The following SUGCT variants were observed in gnomAD, a reference collection of about 807,000 sequenced individuals.
SUGCT encodes succinyl-CoA:glutarate-CoA transferase, also known as succinyl-CoA:glutarate CoA-transferase.
SUGCT carries 41 observed loss-of-function variants against 55.0 expected under a neutral mutation model. The observed-to-expected ratio is 0.74, with a 90% CI of 0.58 to 0.97. The LOEUF (loss-of-function observed/expected upper bound fraction) is 0.97, where lower values mean the gene tolerates loss of function less well. SUGCT is among the 50% of genes least tolerant of loss of function. The pLI is 0.00. For synonymous variants in SUGCT, 187 were observed against 200.4 expected, an observed-to-expected ratio of 0.93 and a Z score of 0.56; for missense variants, 568 against 547.8, an observed-to-expected ratio of 1.04 and a Z score of -0.37.
the SUGCT span, among the ~76,000 whole-genome samples, chr7:41,036,710 A>G: frequency 7.8e-4 from 119 of 152,270 alleles, no homozygotes; most frequent in African/African-American, 2.6e-3. Context: ...TGCTTTTCTT[A>G]CCAAATCCCC....
At chr7:40,506,009 T>G (rs1792569298) in intron 12 of SUGCT, among the ~76,000 whole-genome samples, 1 of 152,256 alleles carries the variant, frequency 6.6e-6, no homozygotes, top group Middle Eastern at 3.4e-3. Flanking sequence ...TTGAAATTGC[T>G]TTTTAAATCA....
At chr7:40,424,110 G>T (rs1376008764) in intron 9 of SUGCT, among the ~76,000 whole-genome samples, 2 of 152,122 alleles carry the variant, frequency 1.3e-5, no homozygotes, top group Non-Finnish European at 2.9e-5. Context: ...CTCTGCCGTG[G>T]TTGGATAGTT....
intron 11 of SUGCT, among the ~76,000 whole-genome samples, chr7:40,489,458 A>C (rs1791563693): frequency 6.6e-6 from 1 of 152,074 alleles, no homozygotes; most frequent in African/African-American, 2.4e-5. Context: ...AGGCAGGAGG[A>C]TCACCTGAGG....
At chr7:40,852,743 G>A (rs900779862) in intron 13 of SUGCT, among the ~76,000 whole-genome samples, 9 of 151,716 alleles carry the variant, frequency 5.9e-5, no homozygotes, top group Middle Eastern at 3.4e-3. Context: ...TCCTCTGCAC[G>A]TCCCATTTAG....
the SUGCT span, among the ~76,000 whole-genome samples, chr7:40,889,858 C>T: frequency 1.3e-5 from 2 of 152,258 alleles, no homozygotes; most frequent in Admixed American, 1.3e-4. Flanking sequence ...GTCTCATGCA[C>T]TATATAAAAT....
At chr7:40,628,202 C>A (rs1206844412) in intron 12 of SUGCT, among the ~76,000 whole-genome samples, 1 of 152,192 alleles carries the variant, frequency 6.6e-6, no homozygotes, top group Non-Finnish European at 1.5e-5. Flanking sequence ...ATTTTAATAA[C>A]CTAAACTTTC....
chr7:40,831,572 C>T (rs1439255442), intron 13 of SUGCT, among the ~76,000 whole-genome samples: 1 of 152,226 alleles, frequency 6.6e-6, no homozygotes, highest in African/African-American at 2.4e-5. Flanking sequence ...GTCTTGCAGT[C>T]ATCCTTGAAG....
At chr7:40,411,808 A>C (rs1786711572) in intron 9 of SUGCT, among the ~76,000 whole-genome samples, 2 of 152,348 alleles carry the variant, frequency 1.3e-5, no homozygotes, top group East Asian at 3.9e-4. Context: ...TACATATTTA[A>C]GGTGGTGGAT....
intron 13 of SUGCT, among the ~76,000 whole-genome samples, chr7:40,809,914 A>G (rs1018749692): frequency 6.6e-6 from 1 of 152,170 alleles, no homozygotes; most frequent in Non-Finnish European, 1.5e-5. Context: ...TTTGCCTAGC[A>G]TAATAGCCTC....
chr7:40,609,725 C>T (rs965619289), intron 12 of SUGCT, among the ~76,000 whole-genome samples: 2 of 152,046 alleles, frequency 1.3e-5, no homozygotes, highest in Non-Finnish European at 2.9e-5. Flanking sequence ...AGAATTGGGC[C>T]GAATCCGATC....
chr7:40,281,220 A>G (rs566427139), intron 8 of SUGCT, among the ~76,000 whole-genome samples: 1 of 137,704 alleles, frequency 7.3e-6, no homozygotes, highest in Admixed American at 7.4e-5. Context: ...GCTCTAGAAG[A>G]ATTACCTTGA....
chr7:40,207,912 C>G (rs1787082456), intron 6 of SUGCT, among the ~76,000 whole-genome samples: 1 of 152,104 alleles, frequency 6.6e-6, no homozygotes, highest in African/African-American at 2.4e-5. Context: ...ATTTTCATAG[C>G]AGCATTATTC....
intron 6 of SUGCT, among the ~76,000 whole-genome samples, chr7:40,206,283 C>T (rs1529067): frequency 0.065 from 9,884 of 152,152 alleles, 1,003 homozygotes; most frequent in African/African-American, 0.22. Context: ...ACATACATGT[C>T]AGATAGTGTT....
At chr7:40,962,565 TCACACACACACACACACACACACACACA>T in the SUGCT span, among the ~76,000 whole-genome samples, 1 of 136,030 alleles carries the variant, frequency 7.4e-6, no homozygotes, top group Non-Finnish European at 1.6e-5. Flanking sequence ...CAAAGGTAAA[TCACACACACACACACACACACACACACA>T]CACACACACA....
chr7:41,026,692 C>T, the SUGCT span, among the ~76,000 whole-genome samples: 1,746 of 152,252 alleles, frequency 0.011, 29 homozygotes, highest in African/African-American at 0.038. Flanking sequence ...AAATCAAAGG[C>T]GCCAGCTTAA....
At chr7:40,242,356 T>C (rs1357804361) in intron 7 of SUGCT, among the ~76,000 whole-genome samples, 1 of 151,952 alleles carries the variant, frequency 6.6e-6, no homozygotes, top group Non-Finnish European at 1.5e-5. Context: ...TTTGTATTTT[T>C]AGTAGAGACG....
intron 13 of SUGCT, among the ~76,000 whole-genome samples, chr7:40,805,889 G>A (rs1014003861): frequency 2.0e-5 from 3 of 152,208 alleles, no homozygotes; most frequent in Admixed American, 2.0e-4. Flanking sequence ...TTGTTTGTGT[G>A]TATGTGGAAT....
intron 6 of SUGCT, among the ~76,000 whole-genome samples, chr7:40,223,667 G>A (rs1445567546): frequency 1.3e-5 from 2 of 152,168 alleles, no homozygotes; most frequent in Non-Finnish European, 2.9e-5. Context: ...CTGCACTTTT[G>A]AAAAGACTTT....
At chr7:40,175,500 G>A (rs1166392684) in intron 1 of SUGCT, among the ~76,000 whole-genome samples, 11 of 152,152 alleles carry the variant, frequency 7.2e-5, no homozygotes, top group Non-Finnish European at 1.6e-4. Flanking sequence ...GATTACAGGT[G>A]TGAATCACCG....
Sources: allele counts gnomAD v4.1 joint callset (sites outside exome capture counted in the v4.1 genomes callset), GRCh38; gene constraint gnomAD v4.1.1; transcripts MANE v1.5; gene names NCBI Gene and HGNC (gene_info 2026-07-23, HGNC 2026-07-21).